The following GANAB variants were observed in gnomAD, a reference collection of about 807,000 sequenced individuals.
GANAB encodes the protein neutral alpha-glucosidase AB.
Under a neutral mutation model 129.9 loss-of-function variants are expected in GANAB, and 35 were observed. That is an observed-to-expected ratio of 0.27 (90% CI 0.21 to 0.36). The LOEUF (loss-of-function observed/expected upper bound fraction) is 0.36, where lower values mean the gene tolerates loss of function less well. GANAB is among the 10% of genes least tolerant of loss of function. The pLI is 1.00. For missense variants in GANAB, 939 were observed against 1,221.0 expected, an observed-to-expected ratio of 0.77 and a Z score of 3.44; for synonymous variants, 482 against 451.8, an observed-to-expected ratio of 1.07 and a Z score of -0.85.
At chr11:62,628,728 C>G (rs780156601) in intron 17 of GANAB, 41 bp downstream of exon 17, 4 of 1,600,290 alleles carry the variant, frequency 2.5e-6, no homozygotes, top group Admixed American at 1.7e-5. Flanking sequence ...ATACCCCCAG[C>G]CACCTCAGCC....
At chr11:62,641,161 T>G (rs1944238353) in intron 1 of GANAB, among the ~76,000 whole-genome samples, 1 of 151,632 alleles carries the variant, frequency 6.6e-6, no homozygotes, top group Non-Finnish European at 1.5e-5. Flanking sequence ...CTGGCCAACA[T>G]GATGAAACCC....
At chr11:62,634,244 A>ATG (rs1943831997) in intron 5 of GANAB, 2 of 1,105,016 alleles carry the variant, frequency 1.8e-6, no homozygotes, top group African/African-American at 3.1e-5. Flanking sequence ...ACCTCCCCCC[A>ATG]AAGGCTAGAG....
intron 1 of GANAB, among the ~76,000 whole-genome samples, chr11:62,640,324 G>A (rs1339510774): frequency 2.1e-5 from 3 of 146,202 alleles, no homozygotes; most frequent in African/African-American, 5.1e-5. Context: ...ACGAGGTCAG[G>A]AGATCGAGAC....
intron 4 of GANAB, among the ~76,000 whole-genome samples, chr11:62,635,867 T>G (rs950621413): frequency 4.6e-5 from 7 of 152,062 alleles, no homozygotes; most frequent in Non-Finnish European, 7.4e-5. Context: ...TGACCTCAAG[T>G]GATCCACTTG....
chr11:62,627,482 A>AAC, intron 17 of GANAB, 129 bp from the exon 18 acceptor site: 1 of 632,886 alleles, frequency 1.6e-6, no homozygotes, highest in Non-Finnish European at 2.8e-6. Context: ...CTGTAATCCC[A>AAC]ACACTTTGGG....
chr11:62,642,403 T>C (rs72927265), intron 1 of GANAB, among the ~76,000 whole-genome samples: 9 of 151,998 alleles, frequency 5.9e-5, no homozygotes, highest in Non-Finnish European at 1.3e-4. Context: ...TTCTAAAAAT[T>C]TTAACTTAAT....
At position 62,626,007 on chromosome 11, in the gene GANAB, T is replaced by C. The variant is rs1308994516; in HGVS notation, c.2725+58A>G. The C allele has an allele frequency of 2.0e-6, 3 of 1,500,960 alleles. No individual in the cohort carries two copies. The African/African-American group carries it at 4.1e-5, about 21-fold the overall frequency. 93.0% of individuals were successfully genotyped at this position (1,500,960 alleles called of 1,614,324 possible). ...ACGTTCCTACAGGCAAGGGCATCCC[T>C]AAACCTGCCCCGGCTTCCCCTCCTT... On this transcript the variant is annotated intron_variant, in intron 23 of 23. Coordinates refer to ENST00000356638, the MANE Select transcript of GANAB (RefSeq NM_198334.3).
At chr11:62,632,116 G>C (rs939920270) in intron 9 of GANAB, among the ~76,000 whole-genome samples, 17 of 151,684 alleles carry the variant, frequency 1.1e-4, no homozygotes, top group African/African-American at 2.4e-5. Flanking sequence ...TGGGATTACA[G>C]GAGTCCGCCG....
At position 62,626,825 on chromosome 11, in the gene GANAB, G is replaced by C. The variant is rs117510149; in HGVS notation, c.2397+35C>G. The C allele has an allele frequency of 0.043, 64,417 of 1,511,746 alleles. 1,684 individuals carry two copies. The highest frequency in any genetic ancestry group is 0.052 in the Non-Finnish European group (57,023 of 1,090,648). The allele number at this position is 1,511,746 out of a possible 1,614,324, so 93.6% of individuals were successfully genotyped here. On this transcript the variant is annotated intron_variant, in intron 20 of 23. Transcript: ENST00000356638. The stretch of plus-strand genomic sequence containing the variant: ...CCCTCCCCTTCTGGAAATTTACAGG[G>C]AGATGGAACCGGCAGCCAGACCAGG...
rs1419001292 is a variant in GANAB, at chr11:62,625,077, T to C, written c.*738A>G. Reference sequence around the variant, plus strand: ...CCACAACTGATTTCTCCATCTTAAGTGCCCCTCAAAGGGGACAAGAAGGGG... The same window carrying C: ...CCACAACTGATTTCTCCATCTTAAGCGCCCCTCAAAGGGGACAAGAAGGGG... On this transcript the variant is annotated 3_prime_UTR_variant, in exon 24 of 24. Coordinates refer to ENST00000356638, the MANE Select transcript of GANAB (RefSeq NM_198334.3). 2.7e-6 allele frequency: 1 copy of C among 364,040 alleles called. No individual in the cohort carries two copies. The highest frequency in any genetic ancestry group is 8.1e-5 in the East Asian group (1 of 12,358). The allele number at this position is 364,040 out of a possible 1,614,324, so 22.6% of individuals were successfully genotyped here. A position where few individuals can be genotyped will look rare whatever the true frequency, so the allele number is the denominator to read the frequency against.
intron 1 of GANAB, among the ~76,000 whole-genome samples, chr11:62,646,342 A>G (rs1183636620): frequency 6.6e-6 from 1 of 152,072 alleles, no homozygotes. Flanking sequence ...GCTTTACTAA[A>G]CCGCCGGGCG....
intron 1 of GANAB, among the ~76,000 whole-genome samples, chr11:62,644,299 C>A (rs1241310949): frequency 2.6e-5 from 4 of 152,054 alleles, no homozygotes. Flanking sequence ...AGAATACGAG[C>A]ATACTCTGAG....
At position 62,639,580 on chromosome 11, in the gene GANAB, TACCCTACA is replaced by T. The variant is rs757691627; in HGVS notation, c.143+39_143+46del. On this transcript the variant is annotated intron_variant, in intron 2 of 23. Transcript: ENST00000356638. ...CATCTGCCACAGATATCTCCCACAT[TACCCTACA>T]ACCCTACATTCCATCCCTCTCCCCC... 3 of 1,483,368 alleles carry T rather than the reference TACCCTACA, an allele frequency of 2.0e-6. No homozygotes were observed. The Admixed American group carries it at 5.0e-5, about 25-fold the overall frequency. 91.9% of individuals were successfully genotyped at this position (1,483,368 alleles called of 1,614,324 possible). A position where few individuals can be genotyped will look rare whatever the true frequency, so the allele number is the denominator to read the frequency against.
rs1943773459 is a variant in GANAB at position 62,633,214 on chromosome 11, A to G, written c.688T>C (p.Phe230Leu). 1 of 1,613,814 alleles carries G rather than the reference A, an allele frequency of 6.2e-7. No homozygotes were observed. Among genetic ancestry groups the G allele is most frequent in the African/African-American group, 1.3e-5 (1 of 74,832 alleles). Residue 230 changes from phenylalanine to leucine, a missense_variant, in exon 7 of 24, where the codon TTC becomes CTC. This residue lies in a region of GANAB where 321 missense variants were observed against 329.1 expected (regional missense o/e 0.98). Transcript: ENST00000356638. ...KDEPGAWEET[F>L]KTHSDSKPYG... ...GGCTTGCTGTCAGAGTGAGTTTTGA[A>G]TGTCTCCTCCCAGGCTCCTGGCTCA... is the stretch of plus-strand genomic sequence containing the variant.
At chr11:62,646,427 C>T in intron 1 of GANAB, 135 bp downstream of exon 1, 2 of 1,013,534 alleles carry the variant, frequency 2.0e-6, no homozygotes, top group South Asian at 1.4e-5. Flanking sequence ...GCGTCTGAGG[C>T]CGCCTCCAGA....
At chr11:62,633,364 A>G in intron 6 of GANAB, 81 bp downstream of exon 6, 1 of 1,542,246 alleles carries the variant, frequency 6.5e-7, no homozygotes, top group Non-Finnish European at 9.0e-7. Context: ...TGGGGAGACT[A>G]AGTTCAAGTT....
At chr11:62,638,711 C>A (rs1280272234) in intron 4 of GANAB, among the ~76,000 whole-genome samples, 1 of 151,906 alleles carries the variant, frequency 6.6e-6, no homozygotes, top group Non-Finnish European at 1.5e-5. Context: ...ATAAACAGGG[C>A]CTTGTTTATT....
At chr11:62,628,295 C>A (rs1344215560) in intron 17 of GANAB, among the ~76,000 whole-genome samples, 3 of 145,888 alleles carry the variant, frequency 2.1e-5, no homozygotes, top group African/African-American at 7.6e-5. Context: ...CGGCTCACTG[C>A]AACCTCTACC....
chr11:62,625,613 T>A lies in GANAB; in HGVS notation c.*202A>T, dbSNP rs185154133. The A allele has an allele frequency of 8.7e-5, 51 of 589,526 alleles. No homozygotes were observed. The East Asian group carries it at 1.4e-3, about 16-fold the overall frequency. The allele number at this position is 589,526 out of a possible 1,614,324, so 36.5% of individuals were successfully genotyped here. On this transcript the variant is annotated 3_prime_UTR_variant, in exon 24 of 24. Transcript: ENST00000356638. The stretch of plus-strand genomic sequence containing the variant: ...AATGAAGGGAAAGAGTTGGTATCAA[T>A]GGAGTGGGAGAGGTGAGGAGATCAC...
Sources: gnomAD v4.1 joint callset for allele counts (sites outside exome capture counted in the v4.1 genomes callset) on GRCh38, gnomAD v4.1.1 for gene constraint, gnomAD v4.1.1 regional missense constraint, MANE v1.5 for transcripts, NCBI Gene and HGNC (gene_info 2026-07-23, HGNC 2026-07-21) for gene names.